The following KIAA1549 variants were observed in gnomAD, a reference collection of about 807,000 sequenced individuals.
KIAA1549 encodes UPF0606 protein KIAA1549.
KIAA1549 carries 70 observed loss-of-function variants against 156.4 expected under a neutral mutation model. The observed-to-expected ratio is 0.45, with a 90% CI of 0.37 to 0.55. The LOEUF (loss-of-function observed/expected upper bound fraction) is 0.55. KIAA1549 is among the 20% of genes least tolerant of loss of function. The probability of loss-of-function intolerance (pLI) is 0.00; values close to 1 mark genes in which losing one functional copy is unlikely to be tolerated. For synonymous variants in KIAA1549, 1,103 were observed against 1,066.4 expected, an observed-to-expected ratio of 1.03 and a Z score of -0.67; for missense variants, 2,428 against 2,540.9, an observed-to-expected ratio of 0.96 and a Z score of 0.96.
chr7:138,945,233 G>A lies in KIAA1549; in HGVS notation c.188-25795C>T, dbSNP rs114462331. On this transcript the variant is annotated intron_variant, in intron 1 of 19. Coordinates refer to ENST00000422774, the MANE Select transcript of KIAA1549 (RefSeq NM_001164665.2). ...CCAGGCCTTTCCCTAGACTCTCTGA[G>A]GGGGTGAGGCCCAGGAACGCATATT... 3.6e-3 allele frequency among the ~76,000 whole-genome samples: 555 copies of A among 152,286 alleles called. 2 individuals are homozygous for A. Among genetic ancestry groups the A allele is most frequent in the African/African-American group, 0.013 (544 of 41,562 alleles).
At chr7:138,955,623 T>A (rs924984397) in intron 1 of KIAA1549, among the ~76,000 whole-genome samples, 8 of 152,182 alleles carry the variant, frequency 5.3e-5, no homozygotes, top group Non-Finnish European at 1.2e-4. Flanking sequence ...AACTGCAAGA[T>A]GCAAATTGTA....
chr7:138,937,245 C>CTGCA (rs1813042688), intron 1 of KIAA1549, among the ~76,000 whole-genome samples: 1 of 152,258 alleles, frequency 6.6e-6, no homozygotes, highest in East Asian at 1.9e-4. Flanking sequence ...CCCCAGAACC[C>CTGCA]TGCATGTGCT....
rs1315771158 is a variant in KIAA1549, at chr7:138,832,797, G to A, written c.*5109C>T. ...TGTACCATGATGTTGCGATTTCCAA[G>A]TCATCTTCATAGTGGAGAAAGTAGT... On this transcript the variant is annotated 3_prime_UTR_variant, in exon 20 of 20. Coordinates refer to ENST00000422774, the MANE Select transcript of KIAA1549 (RefSeq NM_001164665.2). The A allele has an allele frequency of 8.9e-6, 2 of 223,720 alleles. No homozygotes were observed. Among genetic ancestry groups the A allele is most frequent in the East Asian group, 1.3e-4 (2 of 15,382 alleles). 13.9% of individuals were successfully genotyped at this position (223,720 alleles called of 1,614,324 possible).
At chr7:138,842,625 G>A (rs528531634) in intron 18 of KIAA1549, among the ~76,000 whole-genome samples, 4 of 151,948 alleles carry the variant, frequency 2.6e-5, no homozygotes, top group Admixed American at 6.5e-5. Flanking sequence ...CACAGGAGGC[G>A]GAGGTTGCAG....
intron 17 of KIAA1549, among the ~76,000 whole-genome samples, chr7:138,851,658 T>C (rs751205529): frequency 2.7e-4 from 41 of 152,216 alleles, no homozygotes; most frequent in Admixed American, 5.2e-4. Flanking sequence ...TTCATTTGTT[T>C]CTGCCAGGGA....
intron 1 of KIAA1549, among the ~76,000 whole-genome samples, chr7:138,928,988 C>A (rs567604583): frequency 6.6e-6 from 1 of 152,158 alleles, no homozygotes; most frequent in Non-Finnish European, 1.5e-5. Context: ...AAGCCTTCAG[C>A]GAGTTGCAAT....
chr7:138,967,653 G>A (rs1814070642), intron 1 of KIAA1549, among the ~76,000 whole-genome samples: 1 of 151,914 alleles, frequency 6.6e-6, no homozygotes, highest in Admixed American at 6.6e-5. Context: ...GCCTTCCCCA[G>A]CCCAGTCTCC....
At chr7:138,945,568 G>C (rs905868701) in intron 1 of KIAA1549, among the ~76,000 whole-genome samples, 21 of 152,306 alleles carry the variant, frequency 1.4e-4, no homozygotes, top group Non-Finnish European at 3.1e-4. Flanking sequence ...CTTTTGAGTT[G>C]AGACTTTTTG....
chr7:138,898,913 C>A, intron 9 of KIAA1549, 42 bp downstream of exon 9: 1 of 1,594,134 alleles, frequency 6.3e-7, no homozygotes, highest in Admixed American at 1.7e-5. Context: ...GCTTTGGTGC[C>A]CAGCACAGCA....
In KIAA1549 at chr7:138,835,284, G is replaced by A. The variant is rs1298973130; in HGVS notation, c.*2622C>T. The A allele has an allele frequency of 2.3e-5, 5 of 215,206 alleles. No individual in the cohort carries two copies. In the East Asian group the frequency reaches 3.4e-4, roughly 15 times the overall value. 13.3% of individuals were successfully genotyped at this position (215,206 alleles called of 1,614,324 possible). On this transcript the variant is annotated 3_prime_UTR_variant, in exon 20 of 20. Coordinates refer to ENST00000422774, the MANE Select transcript of KIAA1549 (RefSeq NM_001164665.2). ...GAGGAAGCAAGTACAAACTGTGTGT[G>A]CTTTATGACCACCAGCAGAGGGCTG...
chr7:138,903,464 A>C, intron 8 of KIAA1549, 124 bp downstream of exon 8: 1 of 1,002,518 alleles, frequency 1.0e-6, no homozygotes, highest in Non-Finnish European at 1.4e-6. Flanking sequence ...AGTGGAAATC[A>C]GAAATTTCTC....
intron 1 of KIAA1549, among the ~76,000 whole-genome samples, chr7:138,928,851 A>G (rs1407519730): frequency 1.3e-5 from 2 of 152,264 alleles, no homozygotes; most frequent in African/African-American, 4.8e-5. Flanking sequence ...ACATATATAC[A>G]TATGTAACAA....
At chr7:138,858,407 T>G (rs1176506152) in intron 16 of KIAA1549, among the ~76,000 whole-genome samples, 2 of 152,180 alleles carry the variant, frequency 1.3e-5, no homozygotes, top group Non-Finnish European at 2.9e-5. Flanking sequence ...GTCTACTAAT[T>G]CTATCATCTG....
chr7:138,937,165 G>C (rs143722813), intron 1 of KIAA1549, among the ~76,000 whole-genome samples: 1 of 150,998 alleles, frequency 6.6e-6, no homozygotes, highest in Admixed American at 6.6e-5. Context: ...GCTATTCGAC[G>C]TGCTCTCTGA....
rs570308234 is a variant in KIAA1549, at chr7:138,834,688, A to C, written c.*3218T>G. The stretch of plus-strand genomic sequence containing the variant: ...AATGGGAGTGAGGAAACTGAGTCAC[A>C]CCGAGCTTTCGGTTTTGCTCATTAC... On this transcript the variant is annotated 3_prime_UTR_variant, in exon 20 of 20. Transcript: ENST00000422774. 1 of 232,672 alleles carries C rather than the reference A, an allele frequency of 4.3e-6. No homozygotes were observed. The highest frequency in any genetic ancestry group is 8.5e-6 in the Non-Finnish European group (1 of 117,650). The allele number at this position is 232,672 out of a possible 1,614,324, so 14.4% of individuals were successfully genotyped here. A position where few individuals can be genotyped will look rare whatever the true frequency, so the allele number is the denominator to read the frequency against.
chr7:138,862,474 A>G lies in KIAA1549; in HGVS notation c.4930-1018T>C, dbSNP rs185792522. The stretch of plus-strand genomic sequence containing the variant: ...AGCTATGACTGCCCCACTGCACCCT[A>G]GCCTGGGTAACAGAGAGACCTAGAC... On this transcript the variant is annotated intron_variant, in intron 15 of 19. Coordinates refer to ENST00000422774, the MANE Select transcript of KIAA1549 (RefSeq NM_001164665.2). Among the ~76,000 whole-genome samples, 331 of 151,206 alleles carry G rather than the reference A, an allele frequency of 2.2e-3. 1 individual carries two copies. Among genetic ancestry groups the G allele is most frequent in the African/African-American group, 7.5e-3 (310 of 41,160 alleles).
At chr7:138,940,696 T>A (rs1378308890) in intron 1 of KIAA1549, among the ~76,000 whole-genome samples, 1 of 152,242 alleles carries the variant, frequency 6.6e-6, no homozygotes, top group East Asian at 1.9e-4. Flanking sequence ...GACTTTTTAA[T>A]GATTGCCATT....
chr7:138,869,817 G>A, intron 13 of KIAA1549, 56 bp from the exon 14 acceptor site: 2 of 1,229,832 alleles, frequency 1.6e-6, no homozygotes, highest in Non-Finnish European at 2.3e-6. Context: ...AAGCTTCTGG[G>A]ACACACACTT....
At chr7:138,932,286 G>A (rs1417476304) in intron 1 of KIAA1549, among the ~76,000 whole-genome samples, 1 of 152,204 alleles carries the variant, frequency 6.6e-6, no homozygotes, top group Non-Finnish European at 1.5e-5. Flanking sequence ...GGCACTATGT[G>A]GGCAAAGGAT....
Sources: gnomAD v4.1 joint callset for allele counts (sites outside exome capture counted in the v4.1 genomes callset) on GRCh38, gnomAD v4.1.1 for gene constraint, MANE v1.5 for transcripts, NCBI Gene and HGNC (gene_info 2026-07-23, HGNC 2026-07-21) for gene names.